Variants in MAN1A1 observed in about 807,000 individuals in gnomAD.
MAN1A1 encodes mannosidase alpha class 1A member 1, also known as mannosyl-oligosaccharide 1,2-alpha-mannosidase IA.
Under a neutral mutation model 70.8 loss-of-function variants are expected in MAN1A1, and 29 were observed. The ratio of observed to expected loss-of-function variants is 0.41; its 90% CI spans 0.31 to 0.56. The LOEUF (loss-of-function observed/expected upper bound fraction) is 0.56, where lower values mean the gene tolerates loss of function less well. Ranked by LOEUF, MAN1A1 falls within the 20% of genes least tolerant of loss-of-function variation. The probability of loss-of-function intolerance (pLI) is 0.29; values close to 1 mark genes in which losing one functional copy is unlikely to be tolerated. For missense variants in MAN1A1, 747 were observed against 841.3 expected (o/e 0.89, Z 1.39); for synonymous variants, 349 against 330.1 (o/e 1.06, Z -0.62).
intron 2 of MAN1A1, among the ~76,000 whole-genome samples, chr6:119,337,567 G>A (rs1160996031): frequency 6.6e-6 from 1 of 152,244 alleles, no homozygotes; most frequent in African/African-American, 2.4e-5. Flanking sequence ...CGACTGCAAA[G>A]AGCCAATGTC....
intron 5 of MAN1A1, among the ~76,000 whole-genome samples, chr6:119,274,390 ATTT>A (rs1304859448): frequency 1.3e-5 from 2 of 152,150 alleles, no homozygotes; most frequent in African/African-American, 2.4e-5. Context: ...TTTACGAGCT[ATTT>A]CTAAGTGCTT....
chr6:119,296,165 C>T (rs1396425328), intron 4 of MAN1A1, among the ~76,000 whole-genome samples: 1 of 152,172 alleles, frequency 6.6e-6, no homozygotes, highest in African/African-American at 2.4e-5. Context: ...TGTGTCCTGG[C>T]AGCCTTTGGT....
chr6:119,261,824 A>G (rs1187095594), intron 5 of MAN1A1, among the ~76,000 whole-genome samples: 1 of 152,188 alleles, frequency 6.6e-6, no homozygotes, highest in African/African-American at 2.4e-5. Flanking sequence ...AACATCCTGA[A>G]GGTTATTGTT....
chr6:119,245,498 CCCTACA>C (rs1775146003), intron 6 of MAN1A1, among the ~76,000 whole-genome samples: 1 of 152,072 alleles, frequency 6.6e-6, no homozygotes, highest in Admixed American at 6.6e-5. Context: ...TCGCTTCTTG[CCCTACA>C]GGAAAACTTA....
intron 2 of MAN1A1, among the ~76,000 whole-genome samples, chr6:119,346,022 C>T (rs1470794253): frequency 6.6e-6 from 1 of 152,188 alleles, no homozygotes; most frequent in Admixed American, 6.5e-5. Flanking sequence ...AGGAGAATTG[C>T]TTGAACCCAG....
chr6:119,299,912 C>T (rs771274813), intron 4 of MAN1A1, among the ~76,000 whole-genome samples: 1 of 152,104 alleles, frequency 6.6e-6, no homozygotes, highest in Non-Finnish European at 1.5e-5. Flanking sequence ...GCCCCAAGTC[C>T]AGAGCTCCTC....
chr6:119,190,153 T>C (rs922454227), intron 9 of MAN1A1, among the ~76,000 whole-genome samples: 5 of 152,182 alleles, frequency 3.3e-5, no homozygotes, highest in African/African-American at 1.2e-4. Flanking sequence ...TTCCTCATAT[T>C]CAAAAAACTT....
chr6:119,349,437 TCTGGACTTGGGGTG>T, intron 1 of MAN1A1, 91 bp downstream of exon 1: 1 of 919,398 alleles, frequency 1.1e-6, no homozygotes, highest in East Asian at 1.1e-4. Context: ...CAGCCCACTC[TCTGGACTTGGGGTG>T]AAGTTATCAG....
rs971748767 is a variant in MAN1A1, at chr6:119,287,631, C to T, written c.897+3052G>A. On this transcript the variant is annotated intron_variant, in intron 5 of 12. Transcript: ENST00000368468. ...AAGTTAATTCACTTCTTTTTTTGTG[C>T]ATTCTGAATTTCCAAGAAAGAATAC... is the stretch of plus-strand genomic sequence containing the variant. Among the ~76,000 whole-genome samples, 14 of 151,640 alleles carry T rather than the reference C, an allele frequency of 9.2e-5. 1 individual carries two copies. The South Asian group carries it at 2.1e-3, about 23-fold the overall frequency.
rs549570762 is a variant in MAN1A1, at chr6:119,259,956, A to G, written c.898-11602T>C. On this transcript the variant is annotated intron_variant, in intron 5 of 12. Coordinates refer to ENST00000368468, the MANE Select transcript of MAN1A1 (RefSeq NM_005907.4). ...TGTCTACCCAGAAATAACTATTAAC[A>G]TCTTAAGTGTCTAAATGGTATTGAT... 4.6e-5 allele frequency among the ~76,000 whole-genome samples: 7 copies of G among 152,310 alleles called. No homozygotes were observed. In the East Asian group the frequency reaches 1.3e-3, roughly 29 times the overall value.
At chr6:119,190,074 G>C (rs1389476156) in intron 9 of MAN1A1, among the ~76,000 whole-genome samples, 191 bp from the exon 10 acceptor site, 1 of 152,090 alleles carries the variant, frequency 6.6e-6, no homozygotes, top group Non-Finnish European at 1.5e-5. Flanking sequence ...TTATTTGTTT[G>C]ATTAGTCAGA....
In MAN1A1 at chr6:119,219,594, GT is replaced by G. The variant is rs199942493; in HGVS notation, c.993-14713del. ...AGCTAACCAAAAGAGATCTGTTTTT[GT>G]TTTTTTTTCCCTTCAATTTTAGACA... On this transcript the variant is annotated intron_variant, in intron 6 of 12. Coordinates refer to ENST00000368468, the MANE Select transcript of MAN1A1 (RefSeq NM_005907.4). Among the ~76,000 whole-genome samples the G allele has an allele frequency of 3.0e-4, 42 of 141,188 alleles. 1 individual carries two copies. The highest frequency in any genetic ancestry group is 1.7e-3 in the Admixed American group (23 of 13,708). 92.6% of individuals were successfully genotyped at this position (141,188 alleles called of 152,430 possible). A position where few individuals can be genotyped will look rare whatever the true frequency, so the allele number is the denominator to read the frequency against.
At chr6:119,242,075 G>A (rs544080584) in intron 6 of MAN1A1, among the ~76,000 whole-genome samples, 2 of 151,530 alleles carry the variant, frequency 1.3e-5, no homozygotes, top group Non-Finnish European at 2.9e-5. Flanking sequence ...ACCCTTAGCA[G>A]AACAGTCCAA....
chr6:119,212,243 G>A (rs983679122), intron 6 of MAN1A1, among the ~76,000 whole-genome samples: 2 of 151,740 alleles, frequency 1.3e-5, no homozygotes, highest in Admixed American at 6.6e-5. Context: ...CCTTGCCCAT[G>A]AAAGCTACAA....
intron 5 of MAN1A1, among the ~76,000 whole-genome samples, chr6:119,253,106 C>T (rs971793529): frequency 9.2e-5 from 14 of 152,196 alleles, no homozygotes; most frequent in African/African-American, 2.9e-4. Flanking sequence ...AACAATTTCT[C>T]GGATTGTGAT....
At chr6:119,203,042 A>T (rs1460679390) in intron 7 of MAN1A1, among the ~76,000 whole-genome samples, 1 of 152,164 alleles carries the variant, frequency 6.6e-6, no homozygotes, top group Non-Finnish European at 1.5e-5. Context: ...CATCATGTGA[A>T]CACACACTGG....
intron 2 of MAN1A1, among the ~76,000 whole-genome samples, chr6:119,311,746 T>G (rs966646273): frequency 2.0e-5 from 3 of 152,096 alleles, no homozygotes; most frequent in African/African-American, 7.2e-5. Flanking sequence ...CTAAGTGATG[T>G]CACTTTGCAG....
intron 9 of MAN1A1, among the ~76,000 whole-genome samples, chr6:119,191,181 A>G (rs1773433293): frequency 6.6e-6 from 1 of 152,186 alleles, no homozygotes; most frequent in Non-Finnish European, 1.5e-5. Flanking sequence ...TTACATTAAT[A>G]TTTCATTCTT....
chr6:119,347,989 G>C (rs1773780117), intron 2 of MAN1A1, among the ~76,000 whole-genome samples: 1 of 152,210 alleles, frequency 6.6e-6, no homozygotes, highest in Non-Finnish European at 1.5e-5. Flanking sequence ...TAGTCTGAAA[G>C]TACACACAGA....
Sources: allele counts gnomAD v4.1 joint callset (sites outside exome capture counted in the v4.1 genomes callset), GRCh38; gene constraint gnomAD v4.1.1; transcripts MANE v1.5; gene names NCBI Gene and HGNC (gene_info 2026-07-23, HGNC 2026-07-21).